The following MDGA2 variants were observed in gnomAD, a reference collection of about 807,000 sequenced individuals.
MDGA2 encodes the protein MAM domain-containing glycosylphosphatidylinositol anchor protein 2.
MDGA2 carries 40 observed loss-of-function variants against 117.8 expected under a neutral mutation model. The observed-to-expected ratio is 0.34, with a 90% confidence interval of 0.26 to 0.44. MDGA2 has a LOEUF of 0.44. Among genes scored for constraint, MDGA2 ranks in the 20% least tolerant of loss-of-function variants. The pLI, the probability that MDGA2 is intolerant of heterozygous loss-of-function variation, is 1.00. For synonymous variants in MDGA2, 452 were observed against 439.0 expected, an observed-to-expected ratio of 1.03 and a Z score of -0.37; for missense variants, 1,123 against 1,250.6, an observed-to-expected ratio of 0.90 and a Z score of 1.54.
At chr14:47,327,592 G>A (rs1890180462) in intron 1 of MDGA2, among the ~76,000 whole-genome samples, 1 of 152,104 alleles carries the variant, frequency 6.6e-6, no homozygotes, top group Non-Finnish European at 1.5e-5. Flanking sequence ...AGAAATAACA[G>A]TTTATTTCAT....
intron 8 of MDGA2, among the ~76,000 whole-genome samples, chr14:47,022,917 C>T (rs1328862932): frequency 1.3e-5 from 2 of 152,004 alleles, no homozygotes; most frequent in African/African-American, 4.8e-5. Context: ...AGAGAATTTC[C>T]AAATAGAACA....
intron 1 of MDGA2, among the ~76,000 whole-genome samples, chr14:47,426,410 C>A (rs1210129034): frequency 6.6e-6 from 1 of 151,612 alleles, no homozygotes; most frequent in African/African-American, 2.4e-5. Context: ...TTTTTTGAGC[C>A]CTTTCTTTTC....
chr14:46,926,002 A>G (rs555719205), intron 9 of MDGA2, among the ~76,000 whole-genome samples: 1 of 152,328 alleles, frequency 6.6e-6, no homozygotes, highest in South Asian at 2.1e-4. Flanking sequence ...GCACTTCTCA[A>G]GAACAGGGAT....
At chr14:46,965,965 T>C (rs1010422194) in intron 8 of MDGA2, among the ~76,000 whole-genome samples, 1 of 151,084 alleles carries the variant, frequency 6.6e-6, no homozygotes, top group Non-Finnish European at 1.5e-5. Flanking sequence ...CTGTGTTTTG[T>C]TCAATTAAAA....
chr14:47,472,381 T>C (rs1893746233), intron 1 of MDGA2, among the ~76,000 whole-genome samples: 1 of 152,178 alleles, frequency 6.6e-6, no homozygotes, highest in East Asian at 1.9e-4. Flanking sequence ...ACGTCTAGGC[T>C]ACAAATCTGT....
chr14:47,077,073 G>T (rs7147336), intron 6 of MDGA2, among the ~76,000 whole-genome samples: 128,385 of 151,944 alleles, frequency 0.84, 54,649 homozygotes, highest in East Asian at 0.97. Context: ...ATTGAAAACA[G>T]CACTCTAAGA....
chr14:47,093,488 G>A (rs1044763041), intron 6 of MDGA2, among the ~76,000 whole-genome samples: 19 of 151,930 alleles, frequency 1.3e-4, no homozygotes, highest in Non-Finnish European at 2.5e-4. Context: ...TTGAGCTCAG[G>A]GTGTACAACA....
intron 3 of MDGA2, among the ~76,000 whole-genome samples, chr14:47,164,200 C>A (rs912037565): frequency 6.6e-6 from 1 of 152,146 alleles, no homozygotes. Flanking sequence ...TAACTCCATT[C>A]CCTCTCCCAC....
chr14:47,649,409 G>C (rs536733643), intron 1 of MDGA2, among the ~76,000 whole-genome samples: 65 of 152,340 alleles, frequency 4.3e-4, no homozygotes, highest in Non-Finnish European at 8.1e-4. Context: ...ACAAGTCATA[G>C]TAGTTCCTGT....
At chr14:47,097,264 A>C in intron 5 of MDGA2, 141 bp from the exon 6 acceptor site, 1 of 786,490 alleles carries the variant, frequency 1.3e-6, no homozygotes, top group African/African-American at 1.8e-5. Flanking sequence ...TATTACTCAA[A>C]TTTAAACAAG....
intron 8 of MDGA2, among the ~76,000 whole-genome samples, chr14:46,967,214 T>G (rs1241953998): frequency 1.3e-5 from 2 of 152,214 alleles, no homozygotes; most frequent in African/African-American, 4.8e-5. Flanking sequence ...GTTGAAACAG[T>G]CCTGTCTATT....
At chr14:47,550,998 T>A (rs904507983) in intron 1 of MDGA2, among the ~76,000 whole-genome samples, 1 of 152,174 alleles carries the variant, frequency 6.6e-6, no homozygotes, top group African/African-American at 2.4e-5. Flanking sequence ...CAACCTAGCC[T>A]TTTTAAAGCA....
At chr14:47,077,045 A>C (rs901219627) in intron 6 of MDGA2, among the ~76,000 whole-genome samples, 5 of 150,010 alleles carry the variant, frequency 3.3e-5, no homozygotes, top group African/African-American at 1.2e-4. Context: ...ACTTAAAACA[A>C]GTTTTTTTTT....
At chr14:47,225,847 A>G (rs749507872) in intron 2 of MDGA2, among the ~76,000 whole-genome samples, 9 of 152,126 alleles carry the variant, frequency 5.9e-5, no homozygotes, top group Non-Finnish European at 1.3e-4. Flanking sequence ...TCTCTACTCA[A>G]TGCATAAGAA....
At chr14:47,603,219 G>T (rs1705038289) in intron 1 of MDGA2, among the ~76,000 whole-genome samples, 1 of 152,074 alleles carries the variant, frequency 6.6e-6, no homozygotes, top group Admixed American at 6.6e-5. Flanking sequence ...TTAAATAAAG[G>T]AATCCTAATT....
chr14:47,541,808 A>G (rs191191099), intron 1 of MDGA2, among the ~76,000 whole-genome samples: 1 of 152,232 alleles, frequency 6.6e-6, no homozygotes, highest in African/African-American at 2.4e-5. Flanking sequence ...TCACTTCCCA[A>G]TACTGTTCTT....
At chr14:47,222,578 TA>T (rs1317151812) in intron 2 of MDGA2, among the ~76,000 whole-genome samples, 3 of 151,896 alleles carry the variant, frequency 2.0e-5, no homozygotes, top group Admixed American at 1.3e-4. Context: ...CAGGACAAAC[TA>T]AAAAAATACA....
chr14:47,050,204 C>A (rs2138720174), intron 7 of MDGA2, among the ~76,000 whole-genome samples: 1 of 152,112 alleles, frequency 6.6e-6, no homozygotes, highest in South Asian at 2.1e-4. Flanking sequence ...TATGTCACTA[C>A]TTAGTAACTG....
intron 1 of MDGA2, among the ~76,000 whole-genome samples, chr14:47,461,937 C>T (rs1298223798): frequency 2.6e-5 from 4 of 152,136 alleles, no homozygotes; most frequent in East Asian, 3.9e-4. Flanking sequence ...TGTAGGATCC[C>T]TACATAATTG....
Sources: gnomAD v4.1 joint callset for allele counts (sites outside exome capture counted in the v4.1 genomes callset) on GRCh38, gnomAD v4.1.1 for gene constraint, MANE v1.5 for transcripts, NCBI Gene and HGNC (gene_info 2026-07-23, HGNC 2026-07-21) for gene names.